Variants in DGUOK observed in about 807,000 individuals in gnomAD.
The protein encoded by DGUOK is deoxyguanosine kinase, mitochondrial.
In DGUOK, 30 loss-of-function variants were observed where a neutral mutation model predicts 36.6. That is an observed-to-expected ratio of 0.82 (90% CI 0.61 to 1.11). The LOEUF (loss-of-function observed/expected upper bound fraction) is 1.11. Among genes scored for constraint, DGUOK ranks in the 50% most tolerant of loss-of-function variants. The pLI is 0.00. For synonymous variants in DGUOK, 145 were observed against 126.3 expected, an observed-to-expected ratio of 1.15 and a Z score of -0.99; for missense variants, 361 against 336.4, an observed-to-expected ratio of 1.07 and a Z score of -0.57.
At chr2:73,932,877 T>C (rs775807332) in intron 1 of DGUOK, among the ~76,000 whole-genome samples, 3 of 152,122 alleles carry the variant, frequency 2.0e-5, no homozygotes, top group Non-Finnish European at 4.4e-5. Context: ...CCTGAAAATC[T>C]AAAAAATAAA....
chr2:73,945,740 A>G (rs940399713), intron 2 of DGUOK, among the ~76,000 whole-genome samples: 3 of 152,248 alleles, frequency 2.0e-5, no homozygotes, highest in African/African-American at 4.8e-5. Flanking sequence ...TGTTGAGTCA[A>G]TGGCAGATCC....
At chr2:73,957,952 A>G (rs1188857459) in intron 5 of DGUOK, 194 bp from the exon 6 acceptor site, 3 of 509,378 alleles carry the variant, frequency 5.9e-6, no homozygotes, top group Non-Finnish European at 1.1e-5. Context: ...TCAAGAATGA[A>G]GAGAAACCTC....
chr2:73,946,666 T>G, intron 2 of DGUOK, 53 bp from the exon 3 acceptor site: 2 of 1,526,466 alleles, frequency 1.3e-6, no homozygotes, highest in Non-Finnish European at 9.1e-7. Context: ...GTGTACCCCA[T>G]GGAGTAAATA....
intron 2 of DGUOK, among the ~76,000 whole-genome samples, chr2:73,945,831 T>G (rs1682258930): frequency 6.6e-6 from 1 of 152,164 alleles, no homozygotes; most frequent in Non-Finnish European, 1.5e-5. Flanking sequence ...GAGACCAGCC[T>G]GGCCAACATG....
chr2:73,954,149 C>G (rs1682918008), intron 4 of DGUOK, among the ~76,000 whole-genome samples: 1 of 151,848 alleles, frequency 6.6e-6, no homozygotes, highest in East Asian at 2.0e-4. Context: ...TAAGACCCAC[C>G]TGGGCAACAT....
At chr2:73,943,266 C>T (rs1682030673) in intron 2 of DGUOK, among the ~76,000 whole-genome samples, 1 of 151,966 alleles carries the variant, frequency 6.6e-6, no homozygotes, top group Non-Finnish European at 1.5e-5. Context: ...CTTCCCACCT[C>T]AGTCTCTTGG....
Position 73,926,951 on chromosome 2 carries a change from C to G in DGUOK, c.41C>G (p.Pro14Arg). Reference protein sequence around the residue: ...GRLFLSRLRAPFSSMAKSPLE... With the variant: ...GRLFLSRLRARFSSMAKSPLE... ...CTCTTTCTAAGTCGGCTTCGAGCAC[C>G]CTTCAGTTCCATGGCCAAGAGCCCA... is the stretch of plus-strand genomic sequence containing the variant. Residue 14 changes from proline to arginine, a missense_variant, in exon 1 of 7, where the codon CCC (proline) becomes CGC (arginine). Coordinates refer to ENST00000264093, the MANE Select transcript of DGUOK (RefSeq NM_080916.3). The G allele has an allele frequency of 6.2e-7, 1 of 1,613,480 alleles. No individual in the cohort carries two copies. Among genetic ancestry groups the G allele is most frequent in the Non-Finnish European group, 8.5e-7 (1 of 1,180,046 alleles).
At chr2:73,929,129 T>G (rs1285532926) in intron 1 of DGUOK, among the ~76,000 whole-genome samples, 1 of 152,190 alleles carries the variant, frequency 6.6e-6, no homozygotes, top group Non-Finnish European at 1.5e-5. Flanking sequence ...CTTCCCCTCC[T>G]TTGGTGTGGT....
chr2:73,938,424 A>G (rs1681640630), intron 1 of DGUOK, among the ~76,000 whole-genome samples: 1 of 152,344 alleles, frequency 6.6e-6, no homozygotes, highest in East Asian at 1.9e-4. Context: ...TTTGTTTACC[A>G]TTGTACCCAC....
intron 5 of DGUOK, among the ~76,000 whole-genome samples, chr2:73,957,682 A>G (rs188960477): frequency 1.3e-5 from 2 of 152,356 alleles, no homozygotes; most frequent in Non-Finnish European, 2.9e-5. Context: ...AAGAAGTTTA[A>G]TATTGAATAT....
chr2:73,957,810 A>G (rs1683233795), intron 5 of DGUOK, among the ~76,000 whole-genome samples: 1 of 152,212 alleles, frequency 6.6e-6, no homozygotes, highest in Non-Finnish European at 1.5e-5. Context: ...CTCAGCATGA[A>G]GGGCTGAAAA....
At chr2:73,945,455 G>T (rs992349224) in intron 2 of DGUOK, among the ~76,000 whole-genome samples, 1 of 152,082 alleles carries the variant, frequency 6.6e-6, no homozygotes, top group Non-Finnish European at 1.5e-5. Flanking sequence ...ACATTTACTC[G>T]CCATGAAACC....
At chr2:73,949,831 T>G (rs1473271571) in intron 3 of DGUOK, among the ~76,000 whole-genome samples, 3 of 152,196 alleles carry the variant, frequency 2.0e-5, no homozygotes, top group Non-Finnish European at 2.9e-5. Context: ...ATGGTTTATG[T>G]TTAGCTCTGA....
intron 5 of DGUOK, among the ~76,000 whole-genome samples, chr2:73,957,500 C>G (rs528063382): frequency 6.6e-6 from 1 of 152,054 alleles, no homozygotes; most frequent in African/African-American, 2.4e-5. Flanking sequence ...ATGGTGAAAC[C>G]CTGTCTCTAC....
intron 4 of DGUOK, among the ~76,000 whole-genome samples, chr2:73,954,861 A>G (rs865862775): frequency 7.9e-5 from 12 of 152,230 alleles, no homozygotes; most frequent in African/African-American, 1.9e-4. Flanking sequence ...TAGCTACACT[A>G]TCTTTCCTGT....
At chr2:73,951,195 T>C (rs1205029990) in intron 4 of DGUOK, among the ~76,000 whole-genome samples, 1 of 152,086 alleles carries the variant, frequency 6.6e-6, no homozygotes, top group African/African-American at 2.4e-5. Flanking sequence ...TGTGATGCCA[T>C]TGGGAAGGCA....
chr2:73,947,867 C>T (rs968777458), intron 3 of DGUOK: 2 of 152,162 alleles, frequency 1.3e-5, no homozygotes, highest in East Asian at 1.9e-4. Flanking sequence ...TGAAGACACT[C>T]AGTTGGTTAC....
At chr2:73,948,680 G>A (rs1682506921) in intron 3 of DGUOK, among the ~76,000 whole-genome samples, 1 of 152,182 alleles carries the variant, frequency 6.6e-6, no homozygotes, top group Non-Finnish European at 1.5e-5. Flanking sequence ...TTATAGCGAG[G>A]AAGAAATCTT....
intron 1 of DGUOK, among the ~76,000 whole-genome samples, chr2:73,937,962 G>A (rs902652319): frequency 2.0e-5 from 3 of 152,178 alleles, no homozygotes; most frequent in African/African-American, 7.2e-5. Flanking sequence ...AAATGAGAAG[G>A]AGTCTTATAA....
Sources: allele counts gnomAD v4.1 joint callset (sites outside exome capture counted in the v4.1 genomes callset), GRCh38; gene constraint gnomAD v4.1.1; transcripts MANE v1.5; gene names NCBI Gene and HGNC (gene_info 2026-07-23, HGNC 2026-07-21).